CMIP: variants seen among roughly 807,000 people sequenced by gnomAD.
CMIP encodes C-Maf-inducing protein.
CMIP carries 13 observed loss-of-function variants against 97.3 expected under a neutral mutation model. That is an observed-to-expected ratio of 0.13 (90% CI 0.09 to 0.21). The LOEUF (loss-of-function observed/expected upper bound fraction) is 0.21, where lower values mean the gene tolerates loss of function less well. CMIP is among the 10% of genes least tolerant of loss of function. The pLI is 1.00. For synonymous variants in CMIP, 538 were observed against 436.3 expected, an observed-to-expected ratio of 1.23 and a Z score of -2.91; for missense variants, 847 against 1,024.9, an observed-to-expected ratio of 0.83 and a Z score of 2.37.
chr16:81,548,453 G>T (rs2090591272), intron 1 of CMIP, among the ~76,000 whole-genome samples: 1 of 152,026 alleles, frequency 6.6e-6, no homozygotes, highest in African/African-American at 2.4e-5. Flanking sequence ...TTTATTGCGG[G>T]CACTGTCCTG....
Position 81,690,329 on chromosome 16 carries a change from A to C in CMIP, c.1389-1446A>C, listed in dbSNP as rs183733265. On this transcript the variant is annotated intron_variant, in intron 10 of 20. Transcript: ENST00000537098. ...ATTTCTTTGTGTCCTCTTTTATTTC[A>C]TTGAGCAGTGGTTTGTAGTTCTCCT... 5.7e-4 allele frequency among the ~76,000 whole-genome samples: 86 copies of C among 152,164 alleles called. No individual in the cohort carries two copies. The East Asian group carries it at 0.015, about 26-fold the overall frequency.
intron 1 of CMIP, among the ~76,000 whole-genome samples, chr16:81,445,850 G>C (rs549534324): frequency 2.0e-5 from 3 of 151,848 alleles, no homozygotes; most frequent in South Asian, 4.2e-4. Context: ...GCTGGGACTC[G>C]AGGATGGACC....
intron 1 of CMIP, chr16:81,495,469 G>C: frequency 1.2e-6 from 2 of 1,612,816 alleles, no homozygotes; most frequent in Non-Finnish European, 1.7e-6. Context: ...CCTGGCGTCC[G>C]GGGAAGGATG....
At chr16:81,514,383 A>G (rs1206004191) in intron 1 of CMIP, among the ~76,000 whole-genome samples, 1 of 152,092 alleles carries the variant, frequency 6.6e-6, no homozygotes, top group Non-Finnish European at 1.5e-5. Context: ...GCCCAGTTTG[A>G]CCTTAGGAAC....
chr16:81,476,338 A>G (rs1907916686), intron 1 of CMIP: 1 of 1,425,734 alleles, frequency 7.0e-7, no homozygotes, highest in Non-Finnish European at 9.9e-7. Flanking sequence ...ACCCTGATAC[A>G]TAAACCCTGG....
chr16:81,649,816 G>C (rs879261963), intron 3 of CMIP, among the ~76,000 whole-genome samples: 2 of 152,194 alleles, frequency 1.3e-5, no homozygotes, highest in Admixed American at 6.5e-5. Context: ...TGGATTTTGT[G>C]AGATCATTTC....
chr16:81,693,061 CAT>C, intron 11 of CMIP, 95 bp from the exon 12 acceptor site: 1 of 840,770 alleles, frequency 1.2e-6, no homozygotes, highest in African/African-American at 1.7e-5. Flanking sequence ...TTGAATCAGA[CAT>C]AAAGTCTAGA....
At chr16:81,683,129 C>A (rs886465417) in intron 10 of CMIP, among the ~76,000 whole-genome samples, 1 of 152,200 alleles carries the variant, frequency 6.6e-6, no homozygotes, top group Admixed American at 6.5e-5. Context: ...ATACTGGTCC[C>A]TGTACTCAGT....
At chr16:81,705,207 C>G (rs1191124711) in intron 18 of CMIP, among the ~76,000 whole-genome samples, 1 of 152,228 alleles carries the variant, frequency 6.6e-6, no homozygotes, top group East Asian at 1.9e-4. Context: ...TAGGCAGCAT[C>G]TCGAAGCTAG....
intron 1 of CMIP, among the ~76,000 whole-genome samples, chr16:81,456,087 A>C (rs1421314883): frequency 6.6e-6 from 1 of 152,130 alleles, no homozygotes; most frequent in Non-Finnish European, 1.5e-5. Context: ...TTCATGTTTC[A>C]CGACCCTGTG....
chr16:81,457,641 GTTCA>G (rs1906637412), intron 1 of CMIP, among the ~76,000 whole-genome samples: 1 of 152,190 alleles, frequency 6.6e-6, no homozygotes, highest in Non-Finnish European at 1.5e-5. Flanking sequence ...GAACTGCTGT[GTTCA>G]TTCATTTAAT....
intron 1 of CMIP, among the ~76,000 whole-genome samples, chr16:81,564,305 C>T (rs1232360764): frequency 6.6e-6 from 1 of 152,204 alleles, no homozygotes; most frequent in Non-Finnish European, 1.5e-5. Context: ...AGGTGCCTTT[C>T]TTGGAGGAGT....
At position 81,616,209 on chromosome 16, in the gene CMIP, A is replaced by C. The variant is rs186718584; in HGVS notation, c.427-4667A>C. ...CACTGGAGCAGTCGCAGTTAATCCTACGTGGATCCTGCCTCCTCTCCCAAT... is the reference window on the plus strand; with the variant it reads ...CACTGGAGCAGTCGCAGTTAATCCTCCGTGGATCCTGCCTCCTCTCCCAAT... On this transcript the variant is annotated intron_variant, in intron 2 of 20. Coordinates refer to ENST00000537098, the MANE Select transcript of CMIP (RefSeq NM_198390.3). This position sits in a 1 kb window ranked among gnomAD's most constrained non-coding sequence, Gnocchi z 4.7. Among the ~76,000 whole-genome samples the C allele has an allele frequency of 6.8e-6, 1 of 146,650 alleles. No homozygotes were observed. Among genetic ancestry groups the C allele is most frequent in the South Asian group, 2.1e-4 (1 of 4,708 alleles).
intron 8 of CMIP, among the ~76,000 whole-genome samples, chr16:81,671,294 A>G (rs1250166303): frequency 6.6e-6 from 1 of 152,202 alleles, no homozygotes; most frequent in African/African-American, 2.4e-5. Flanking sequence ...GGTTTGCAAA[A>G]TCTTGTCAGG....
Position 81,460,308 on chromosome 16 carries a change from C to T in CMIP, c.300+14767C>T, listed in dbSNP as rs374659578. 9.5e-4 allele frequency among the ~76,000 whole-genome samples: 145 copies of T among 152,276 alleles called. 2 individuals carry two copies. In the South Asian group the frequency reaches 0.029, roughly 31 times the overall value. On this transcript the variant is annotated intron_variant, in intron 1 of 20. Coordinates refer to ENST00000537098, the MANE Select transcript of CMIP (RefSeq NM_198390.3). ...GCTATTTATTCCCTCCTCCCTTTTC[C>T]TTCGGGTTGCCAGCGGTTGCCATGG...
At chr16:81,559,694 A>G (rs1375836983) in intron 1 of CMIP, among the ~76,000 whole-genome samples, 1 of 152,250 alleles carries the variant, frequency 6.6e-6, no homozygotes, top group African/African-American at 2.4e-5. Flanking sequence ...CACCTACAGT[A>G]TGCACAGTGC....
intron 1 of CMIP, among the ~76,000 whole-genome samples, chr16:81,461,913 C>T (rs1036131828): frequency 6.6e-6 from 1 of 152,180 alleles, no homozygotes; most frequent in Non-Finnish European, 1.5e-5. Context: ...TGCTGGGCAC[C>T]GTTCTAGGCA....
At chr16:81,584,465 A>C (rs2091347756) in intron 1 of CMIP, among the ~76,000 whole-genome samples, 1 of 152,102 alleles carries the variant, frequency 6.6e-6, no homozygotes. Context: ...TATGTGTTTT[A>C]TGTGTGTATA....
chr16:81,632,672 C>T, intron 3 of CMIP, among the ~76,000 whole-genome samples: 1 of 152,230 alleles, frequency 6.6e-6, no homozygotes, highest in East Asian at 1.9e-4. Context: ...TCGCAGCCCC[C>T]CAACACGGAA....
Sources: allele counts gnomAD v4.1 joint callset (sites outside exome capture counted in the v4.1 genomes callset), GRCh38; gene constraint gnomAD v4.1.1; non-coding constraint Gnocchi (gnomAD v3.1); transcripts MANE v1.5; gene names NCBI Gene and HGNC (gene_info 2026-07-23, HGNC 2026-07-21).